CDK6: variants seen among roughly 807,000 people sequenced by gnomAD.
CDK6 encodes the protein cyclin-dependent kinase 6.
Under a neutral mutation model 37.1 loss-of-function variants are expected in CDK6, and 6 were observed. The observed-to-expected ratio is 0.16, with a 90% confidence interval of 0.09 to 0.32. CDK6 has a LOEUF of 0.32. Ranked by LOEUF, CDK6 falls within the 10% of genes least tolerant of loss-of-function variation. The probability of loss-of-function intolerance (pLI) is 1.00; values close to 1 mark genes in which losing one functional copy is unlikely to be tolerated. For synonymous variants in CDK6, 160 were observed against 161.3 expected (o/e 0.99, Z 0.06); for missense variants, 224 against 418.9 (o/e 0.53, Z 4.06).
intron 5 of CDK6, among the ~76,000 whole-genome samples, chr7:92,640,155 C>T (rs1796269612): frequency 6.6e-6 from 1 of 152,140 alleles, no homozygotes; most frequent in South Asian, 2.1e-4. Flanking sequence ...CTCAGCTGCC[C>T]ATGGAACGTA....
At chr7:92,782,494 A>G (rs549784763) in intron 2 of CDK6, among the ~76,000 whole-genome samples, 2 of 152,166 alleles carry the variant, frequency 1.3e-5, no homozygotes, top group Non-Finnish European at 2.9e-5. Context: ...GGTGGACAGG[A>G]GCATAATAAT....
chr7:92,650,804 G>A (rs555325131), intron 5 of CDK6, among the ~76,000 whole-genome samples: 5 of 152,232 alleles, frequency 3.3e-5, no homozygotes, highest in Admixed American at 2.6e-4. Flanking sequence ...TGGCTGCTAC[G>A]TCTCAGAGCC....
chr7:92,727,876 A>G (rs1798550827), intron 3 of CDK6, among the ~76,000 whole-genome samples: 1 of 152,220 alleles, frequency 6.6e-6, no homozygotes, highest in Non-Finnish European at 1.5e-5. Flanking sequence ...TTCAAGGAAC[A>G]TTTTGGCAAA....
At chr7:92,623,446 G>A (rs1562913902) in intron 5 of CDK6, among the ~76,000 whole-genome samples, 1 of 152,142 alleles carries the variant, frequency 6.6e-6, no homozygotes, top group African/African-American at 2.4e-5. Context: ...CCATAAATAG[G>A]TGAGATTCTT....
intron 4 of CDK6, among the ~76,000 whole-genome samples, chr7:92,704,055 T>A (rs1797913557): frequency 6.6e-6 from 1 of 152,280 alleles, no homozygotes; most frequent in African/African-American, 2.4e-5. Flanking sequence ...GTGACTAGAA[T>A]GCTCTCCTGA....
At chr7:92,759,543 T>C (rs1799400835) in intron 3 of CDK6, among the ~76,000 whole-genome samples, 1 of 152,044 alleles carries the variant, frequency 6.6e-6, no homozygotes, top group African/African-American at 2.4e-5. Context: ...GCCAGTTTTC[T>C]AAATCCAACA....
chr7:92,734,247 A>G (rs1212811863), intron 3 of CDK6, among the ~76,000 whole-genome samples: 1 of 152,176 alleles, frequency 6.6e-6, no homozygotes, highest in Non-Finnish European at 1.5e-5. Context: ...GGCTCCCACT[A>G]TAGCGGGTCT....
At chr7:92,725,577 CA>C in intron 4 of CDK6, 48 bp downstream of exon 4, 2 of 1,556,168 alleles carry the variant, frequency 1.3e-6, no homozygotes, top group Non-Finnish European at 1.8e-6. Flanking sequence ...GACTGTCATT[CA>C]AAATAGGAAA....
intron 5 of CDK6, among the ~76,000 whole-genome samples, chr7:92,627,333 G>A (rs1795950688): frequency 6.6e-6 from 1 of 152,074 alleles, no homozygotes; most frequent in African/African-American, 2.4e-5. Flanking sequence ...GAAGGTCTGT[G>A]CCCCTGAAAA....
intron 2 of CDK6, among the ~76,000 whole-genome samples, chr7:92,804,698 C>G (rs1025221593): frequency 6.6e-6 from 1 of 152,076 alleles, no homozygotes; most frequent in Non-Finnish European, 1.5e-5. Context: ...AAATGCAGAG[C>G]TCTGAATCTC....
intron 3 of CDK6, among the ~76,000 whole-genome samples, chr7:92,755,394 T>G (rs1799290636): frequency 6.6e-6 from 1 of 151,796 alleles, no homozygotes; most frequent in Non-Finnish European, 1.5e-5. Flanking sequence ...CAAGCAGAAA[T>G]TAATGGGGAC....
chr7:92,642,252 T>C (rs1301762366), intron 5 of CDK6, among the ~76,000 whole-genome samples: 4 of 152,176 alleles, frequency 2.6e-5, no homozygotes, highest in African/African-American at 9.7e-5. Context: ...TGGGTTTCCT[T>C]AAACTCACTT....
chr7:92,630,066 G>T (rs1355540362), intron 5 of CDK6, among the ~76,000 whole-genome samples: 1 of 152,062 alleles, frequency 6.6e-6, no homozygotes, highest in Non-Finnish European at 1.5e-5. Flanking sequence ...GGGCTTCAAT[G>T]TAAGAATTTT....
rs1584133796 is a variant in CDK6, at chr7:92,833,870, T to A, written c.-367-180A>T. ...CTGGTTCCTCCGAGAAAAGCGAAGT[T>A]ACTTTTCTTTCCCTGCAGGGCTGAA... On this transcript the variant is annotated intron_variant, in intron 1 of 7. Coordinates refer to ENST00000424848, the MANE Select transcript of CDK6 (RefSeq NM_001145306.2). This position sits in a 1 kb window ranked among gnomAD's most constrained non-coding sequence, Gnocchi z 6.1. 1 of 398,306 alleles carries A rather than the reference T, an allele frequency of 2.5e-6. No homozygotes were observed. Among genetic ancestry groups the A allele is most frequent in the Non-Finnish European group, 4.4e-6 (1 of 226,296 alleles). The allele number at this position is 398,306 out of a possible 1,614,324, so 24.7% of individuals were successfully genotyped here.
chr7:92,669,216 T>G (rs146988749), intron 5 of CDK6, among the ~76,000 whole-genome samples: 11 of 152,290 alleles, frequency 7.2e-5, no homozygotes, highest in African/African-American at 2.6e-4. Context: ...ATTAGCACAA[T>G]GGGTGTTTTG....
At chr7:92,680,730 T>G (rs1400872295) in intron 4 of CDK6, among the ~76,000 whole-genome samples, 1 of 152,220 alleles carries the variant, frequency 6.6e-6, no homozygotes, top group Admixed American at 6.5e-5. Flanking sequence ...GATATGTGGA[T>G]GTCCCATCAC....
chr7:92,787,663 A>AG (rs563193899), intron 2 of CDK6, among the ~76,000 whole-genome samples: 221 of 152,236 alleles, frequency 1.5e-3, no homozygotes, highest in African/African-American at 4.9e-3. Context: ...CCCAATATGG[A>AG]GTGACTCTAC....
At chr7:92,814,497 A>G (rs1219512333) in intron 2 of CDK6, among the ~76,000 whole-genome samples, 2 of 151,818 alleles carry the variant, frequency 1.3e-5, no homozygotes, top group Non-Finnish European at 2.9e-5. Flanking sequence ...CCCGCAGGTA[A>G]TAAGCAATTC....
chr7:92,734,907 C>T (rs1177213807), intron 3 of CDK6, among the ~76,000 whole-genome samples: 1 of 152,174 alleles, frequency 6.6e-6, no homozygotes, highest in Non-Finnish European at 1.5e-5. Context: ...TGCTTCCTAT[C>T]TTACCATCTC....
Sources: gnomAD v4.1 joint callset for allele counts (sites outside exome capture counted in the v4.1 genomes callset) on GRCh38, gnomAD v4.1.1 for gene constraint, Gnocchi (gnomAD v3.1) non-coding constraint, MANE v1.5 for transcripts, NCBI Gene and HGNC (gene_info 2026-07-23, HGNC 2026-07-21) for gene names.